Variants in BICRA observed in about 807,000 individuals in gnomAD.
The protein encoded by BICRA is BRD4 interacting chromatin remodeling complex associated protein, also known as BRD4-interacting chromatin-remodeling complex-associated protein.
A neutral mutation model predicts 96.9 loss-of-function variants in BICRA; 31 were observed. The ratio of observed to expected loss-of-function variants is 0.32; its 90% CI spans 0.24 to 0.43. BICRA has a LOEUF of 0.43. Among genes scored for constraint, BICRA ranks in the 20% least tolerant of loss-of-function variants. The probability of loss-of-function intolerance (pLI) is 1.00; values close to 1 mark genes in which losing one functional copy is unlikely to be tolerated. For missense variants in BICRA, 2,283 were observed against 2,190.3 expected (o/e 1.04, Z -0.84); for synonymous variants, 1,350 against 1,071.8 (o/e 1.26, Z -5.07).
rs1972337446 is a variant in BICRA at position 47,638,658 on chromosome 19, G to GT, written c.-108+29494dup. On this transcript the variant is annotated intron_variant, in intron 1 of 14. Transcript: ENST00000594866. ...ACACTTTTTAAGGCAGGTTTGTTTT[G>GT]TTTTGTTTTGTTTTTGAGACGGAGT... Among the ~76,000 whole-genome samples the GT allele has an allele frequency of 1.3e-5, 2 of 151,644 alleles. 1 individual carries two copies. Among genetic ancestry groups the GT allele is most frequent in the South Asian group, 4.2e-4 (2 of 4,808 alleles).
Position 47,698,854 on chromosome 19 carries a change from G to T in BICRA, c.3397+72G>T, listed in dbSNP as rs1007297289. On this transcript the variant is annotated intron_variant, in intron 12 of 14. Coordinates refer to ENST00000594866, the MANE Select transcript of BICRA (RefSeq NM_001394372.1). The surrounding 1 kb of genome is among the most constrained non-coding windows in gnomAD (Gnocchi z 4.8). The stretch of plus-strand genomic sequence containing the variant: ...GCCCGTGGGGCGGGGCGTCGCCAGT[G>T]TGGAGCCGCAGGTCCACGGTGCGCT... 5 of 1,416,018 alleles carry T rather than the reference G, an allele frequency of 3.5e-6. No homozygotes were observed. The highest frequency in any genetic ancestry group is 4.9e-6 in the Non-Finnish European group (5 of 1,024,656). 87.7% of individuals were successfully genotyped at this position (1,416,018 alleles called of 1,614,324 possible). A position where few individuals can be genotyped will look rare whatever the true frequency, so the allele number is the denominator to read the frequency against.
intron 7 of BICRA, 23 bp downstream of exon 7, chr19:47,682,175 T>G (rs1973074781): frequency 8.3e-7 from 1 of 1,207,018 alleles, no homozygotes; most frequent in Non-Finnish European, 1.2e-6. Context: ...CAGCAGCCTG[T>G]GTCCGCAGCA....
intron 1 of BICRA, among the ~76,000 whole-genome samples, chr19:47,651,461 T>C (rs1271513189): frequency 6.6e-6 from 1 of 151,972 alleles, no homozygotes; most frequent in Non-Finnish European, 1.5e-5. Flanking sequence ...ACCCCAGCCC[T>C]CCCCAACCCA....
rs1972991222 is a variant in BICRA, at chr19:47,679,398, C to A, written c.228C>A (p.Phe76Leu). 2.7e-6 allele frequency: 4 copies of A among 1,461,144 alleles called. No homozygotes were observed. Among genetic ancestry groups the A allele is most frequent in the Non-Finnish European group, 3.6e-6 (4 of 1,103,714 alleles). The allele number at this position is 1,461,144 out of a possible 1,614,324, so 90.5% of individuals were successfully genotyped here. The change falls in exon 6 of 15, where the codon TTC becomes TTA. Residue 76 changes from phenylalanine to leucine, a missense_variant. Transcript: ENST00000594866. The stretch of plus-strand genomic sequence containing the variant: ...CGGCCCCCAGTGTGGACCTAGACTT[C>A]CTGGAAGATGACATCCTGGGCTCTC... ...NQPAPSVDLDFLEDDILGSPA... is the reference protein window; with the variant it reads ...NQPAPSVDLDLLEDDILGSPA...
In BICRA at chr19:47,680,798, C is replaced by G; in HGVS notation, c.1628C>G (p.Ser543Cys). 1.2e-6 allele frequency: 2 copies of G among 1,608,968 alleles called. No homozygotes were observed. The highest frequency in any genetic ancestry group is 1.7e-6 in the Non-Finnish European group (2 of 1,178,894). Residue 543 changes from serine (S) to cysteine (C), a missense_variant, in exon 6 of 15, where the codon TCC becomes TGC. Transcript: ENST00000594866. ...GGGGCCCACAGCGCGCACATCCTCT[C>G]CGCCGCTCCCATCCAGGTGGGCCAG... The part of the protein sequence containing the change: ...HSGAHSAHIL[S>C]AAPIQVGQPA...
chr19:47,697,353 A>ATTGCAC (rs1973362635), intron 11 of BICRA, among the ~76,000 whole-genome samples: 1 of 148,830 alleles, frequency 6.7e-6, no homozygotes, highest in African/African-American at 2.5e-5. Context: ...AGATCATGCC[A>ATTGCAC]TTGCACTTCA....
In BICRA at chr19:47,632,053, T is replaced by A. The variant is rs140723626; in HGVS notation, c.-108+22885T>A. 1.0e-3 allele frequency among the ~76,000 whole-genome samples: 158 copies of A among 152,338 alleles called. 2 individuals are homozygous for A. The highest frequency in any genetic ancestry group is 3.7e-3 in the African/African-American group (154 of 41,588). ...TGCTCTAGAGTTTCCATTCTCTGTC[T>A]TTGACTAGGACTTTGGCTTTGAATC... is the stretch of plus-strand genomic sequence containing the variant. On this transcript the variant is annotated intron_variant, in intron 1 of 14. Coordinates refer to ENST00000594866, the MANE Select transcript of BICRA (RefSeq NM_001394372.1).
chr19:47,636,854 G>A (rs1038156617), intron 1 of BICRA, among the ~76,000 whole-genome samples: 1 of 151,980 alleles, frequency 6.6e-6, no homozygotes, highest in African/African-American at 2.4e-5. Flanking sequence ...ATTTCTCCCT[G>A]TAACCTCACT....
chr19:47,658,070 GCAAA>G (rs1268547757), intron 1 of BICRA, among the ~76,000 whole-genome samples: 4 of 152,260 alleles, frequency 2.6e-5, no homozygotes, highest in African/African-American at 2.4e-5. Context: ...AGGAGAGGGA[GCAAA>G]CAGTCTTCCC....
chr19:47,638,596 T>TTCTCTCTCTCTCTC lies in BICRA; in HGVS notation c.-108+29430_-108+29443dup, dbSNP rs571988559. Among the ~76,000 whole-genome samples the TTCTCTCTCTCTCTC allele has an allele frequency of 1.0e-4, 14 of 134,264 alleles. No homozygotes were observed. In the South Asian group the frequency reaches 3.6e-3, roughly 34 times the overall value. 88.1% of individuals were successfully genotyped at this position (134,264 alleles called of 152,430 possible). ...CATCTCTGTCACTCGCTCTCTCTGT[T>TTCTCTCTCTCTCTC]TCTCTCTCTCTCTCTGTCACACACA... On this transcript the variant is annotated intron_variant, in intron 1 of 14. Coordinates refer to ENST00000594866, the MANE Select transcript of BICRA (RefSeq NM_001394372.1).
rs574813260 is a variant in BICRA at position 47,680,892 on chromosome 19, C to T, written c.1722C>T (p.Pro574=). The T allele has an allele frequency of 8.5e-5, 127 of 1,488,232 alleles. No homozygotes were observed. Among genetic ancestry groups the T allele is most frequent in the South Asian group, 1.6e-4 (12 of 74,928 alleles). The allele number at this position is 1,488,232 out of a possible 1,614,324, so 92.2% of individuals were successfully genotyped here. ...TGCCCACGCAGAGCCAGCCAGCGCC[C>T]GCCGGGCCGGCCGCCACCACTGTCC... ...GSLPTQSQPA[P]AGPAATTVLQ... Residue 574 remains proline, a synonymous_variant, in exon 6 of 15, where the codon CCC becomes CCT. Coordinates refer to ENST00000594866, the MANE Select transcript of BICRA (RefSeq NM_001394372.1).
intron 7 of BICRA, among the ~76,000 whole-genome samples, chr19:47,691,216 A>G (rs1261833095): frequency 1.3e-5 from 2 of 152,252 alleles, no homozygotes; most frequent in African/African-American, 4.8e-5. Flanking sequence ...TCCAAAGGGC[A>G]GCACATGACA....
At chr19:47,665,041 C>G (rs540102779) in intron 1 of BICRA, among the ~76,000 whole-genome samples, 57 of 151,338 alleles carry the variant, frequency 3.8e-4, no homozygotes, top group Middle Eastern at 3.4e-3. Flanking sequence ...CCCCGCCCCC[C>G]CACTCTGCAA....
Position 47,682,039 on chromosome 19 carries a change from G to A in BICRA, c.2170G>A (p.Val724Ile). ...CCTCTCCGTGCCTGCCTCGGTCATAGTCAGCGCCCCGCCTCCCGCCCAAGA... is the reference window on the plus strand; with the variant it reads ...CCTCTCCGTGCCTGCCTCGGTCATAATCAGCGCCCCGCCTCCCGCCCAAGA... Reference protein sequence around the residue: ...PHLSVPASVIVSAPPPAQDPA... With the variant: ...PHLSVPASVIISAPPPAQDPA... Residue 724 changes from valine to isoleucine, a missense_variant, in exon 7 of 15, where the codon GTC (valine) becomes ATC (isoleucine). By Grantham distance (29) the Val-to-Ile change is conservative. Coordinates refer to ENST00000594866, the MANE Select transcript of BICRA (RefSeq NM_001394372.1). The A allele has an allele frequency of 6.4e-7, 1 of 1,563,196 alleles. No homozygotes were observed. Among genetic ancestry groups the A allele is most frequent in the Middle Eastern group, 1.8e-4 (1 of 5,564 alleles).
At chr19:47,647,931 A>G (rs1599814061) in intron 1 of BICRA, among the ~76,000 whole-genome samples, 1 of 135,040 alleles carries the variant, frequency 7.4e-6, no homozygotes, top group South Asian at 2.3e-4. Context: ...TTGCCCTGGC[A>G]TTTGGGGTTG....
intron 1 of BICRA, among the ~76,000 whole-genome samples, chr19:47,642,525 C>G (rs1476789523): frequency 6.6e-6 from 1 of 151,968 alleles, no homozygotes; most frequent in Non-Finnish European, 1.5e-5. Context: ...CATGGCAAAA[C>G]CCAGTCTCTA....
chr19:47,629,257 C>A (rs1226564795), intron 1 of BICRA, among the ~76,000 whole-genome samples: 1 of 152,200 alleles, frequency 6.6e-6, no homozygotes, highest in Non-Finnish European at 1.5e-5. Flanking sequence ...CCCGCCTCGG[C>A]CTCCCAAAGT....
rs531834977 is a variant in BICRA, at chr19:47,684,447, G to C, written c.2283+2295G>C. On this transcript the variant is annotated intron_variant, in intron 7 of 14. Coordinates refer to ENST00000594866, the MANE Select transcript of BICRA (RefSeq NM_001394372.1). ...ACCACCTGCCTCGGCCTCCCAAATT[G>C]CTGGGATTTACAGGCGCCCGCCACC... Among the ~76,000 whole-genome samples the C allele has an allele frequency of 1.1e-3, 166 of 152,260 alleles. No individual in the cohort carries two copies. In the Middle Eastern group the frequency reaches 0.017, roughly 16 times the overall value.
chr19:47,683,743 C>T (rs1255617242), intron 7 of BICRA, among the ~76,000 whole-genome samples: 2 of 152,142 alleles, frequency 1.3e-5, no homozygotes, highest in African/African-American at 4.8e-5. Flanking sequence ...CGCCACCACG[C>T]CGGGCTAATT....
Sources: gnomAD v4.1 joint callset for allele counts (sites outside exome capture counted in the v4.1 genomes callset) on GRCh38, gnomAD v4.1.1 for gene constraint, Gnocchi (gnomAD v3.1) non-coding constraint, MANE v1.5 for transcripts, NCBI Gene and HGNC (gene_info 2026-07-23, HGNC 2026-07-21) for gene names.